Variants in RAB1B observed in about 807,000 individuals in gnomAD.
RAB1B encodes ras-related protein Rab-1B.
In RAB1B, 10 loss-of-function variants were observed where a neutral mutation model predicts 24.8. The observed-to-expected ratio is 0.40, with a 90% CI of 0.25 to 0.68. The LOEUF (loss-of-function observed/expected upper bound fraction) is 0.68, where lower values mean the gene tolerates loss of function less well. RAB1B is among the 30% of genes least tolerant of loss of function. RAB1B has a pLI of 0.37. For synonymous variants in RAB1B, 99 were observed against 111.7 expected (o/e 0.89, Z 0.72); for missense variants, 154 against 271.2 (o/e 0.57, Z 3.04).
chr11:66,273,191 ATGT>A (rs1857089070), intron 4 of RAB1B, among the ~76,000 whole-genome samples: 1 of 152,114 alleles, frequency 6.6e-6, no homozygotes, highest in Non-Finnish European at 1.5e-5. Flanking sequence ...TTTCTACCAA[ATGT>A]TGTTGCTTAA....
In RAB1B at chr11:66,276,363, C is replaced by A. The variant is rs142287299; in HGVS notation, c.*125C>A. 1,352 of 908,968 alleles carry A rather than the reference C, an allele frequency of 1.5e-3. 14 individuals carry two copies. In the African/African-American group the frequency reaches 0.019, roughly 13 times the overall value. 56.3% of individuals were successfully genotyped at this position (908,968 alleles called of 1,614,324 possible). A position where few individuals can be genotyped will look rare whatever the true frequency, so the allele number is the denominator to read the frequency against. ...GTCTGTGGCTTTGGGGTGTCCTGGGCTCCCCATCTCCTTCTGGCCCATCTG... is the reference window on the plus strand; with the variant it reads ...GTCTGTGGCTTTGGGGTGTCCTGGGATCCCCATCTCCTTCTGGCCCATCTG... On this transcript the variant is annotated 3_prime_UTR_variant, in exon 6 of 6. Transcript: ENST00000311481.
rs1857080592 is a variant in RAB1B at position 66,272,700 on chromosome 11, A to G, written c.279+240A>G. On this transcript the variant is annotated intron_variant, in intron 4 of 5. Transcript: ENST00000311481. ...AGGCCCTGCTGCAGGTTCTGGCAGG[A>G]CAAGGCCTCACACCTTCCCTCCCCA... 8.7e-6 allele frequency: 3 copies of G among 346,426 alleles called. No individual in the cohort carries two copies. The South Asian group carries it at 1.5e-4, about 18-fold the overall frequency. The allele number at this position is 346,426 out of a possible 1,614,324, so 21.5% of individuals were successfully genotyped here.
At chr11:66,275,596 T>C (rs1857128391) in intron 4 of RAB1B, among the ~76,000 whole-genome samples, 1 of 151,944 alleles carries the variant, frequency 6.6e-6, no homozygotes, top group Non-Finnish European at 1.5e-5. Flanking sequence ...GCTGGCAGGC[T>C]GCTGGGGCTG....
rs1352498128 is a variant in RAB1B, at chr11:66,268,679, C to G, written c.-1C>G. On this transcript the variant is annotated 5_prime_UTR_variant, in exon 1 of 6. Transcript: ENST00000311481. The stretch of plus-strand genomic sequence containing the variant: ...CGACCGAGCGGGCCGCCGCCGCCGC[C>G]ATGAACCCCGAATAGTGAGTGAGCC... 3 of 1,570,592 alleles carry G rather than the reference C, an allele frequency of 1.9e-6. No homozygotes were observed. Among genetic ancestry groups the G allele is most frequent in the Admixed American group, 1.9e-5 (1 of 52,016 alleles).
chr11:66,276,271 C>A lies in RAB1B; in HGVS notation c.*33C>A. ...ACATGGAGTGGGACAGGAGGGGGCACCTTCTCCAGATGATGTCCCTGGAGG... is the reference window on the plus strand; with the variant it reads ...ACATGGAGTGGGACAGGAGGGGGCAACTTCTCCAGATGATGTCCCTGGAGG... On this transcript the variant is annotated 3_prime_UTR_variant, in exon 6 of 6. Transcript: ENST00000311481. 1 of 1,526,018 alleles carries A rather than the reference C, an allele frequency of 6.6e-7. No individual in the cohort carries two copies. The highest frequency in any genetic ancestry group is 8.8e-7 in the Non-Finnish European group (1 of 1,140,642). The allele number at this position is 1,526,018 out of a possible 1,614,324, so 94.5% of individuals were successfully genotyped here. A position where few individuals can be genotyped will look rare whatever the true frequency, so the allele number is the denominator to read the frequency against.
chr11:66,274,173 G>A (rs1412182399), intron 4 of RAB1B, among the ~76,000 whole-genome samples: 3 of 152,056 alleles, frequency 2.0e-5, no homozygotes, highest in Non-Finnish European at 4.4e-5. Flanking sequence ...ATCCTTGTCA[G>A]CCTGACCAGA....
chr11:66,275,411 C>G (rs931816917), intron 4 of RAB1B, among the ~76,000 whole-genome samples: 1 of 152,226 alleles, frequency 6.6e-6, no homozygotes, highest in African/African-American at 2.4e-5. Context: ...GATTTTCAGG[C>G]CACGGTGGGA....
chr11:66,273,595 A>C (rs1590885621), intron 4 of RAB1B, among the ~76,000 whole-genome samples: 3 of 150,718 alleles, frequency 2.0e-5, no homozygotes, highest in Non-Finnish European at 3.0e-5. Flanking sequence ...TCTCCTCCTT[A>C]CTCTTGTGCA....
intron 4 of RAB1B, 60 bp from the exon 5 acceptor site, chr11:66,275,744 A>G (rs1021921489): frequency 3.3e-6 from 5 of 1,527,474 alleles, no homozygotes; most frequent in Non-Finnish European, 4.4e-6. Flanking sequence ...GGTCTTCTCC[A>G]GGCCTGGGGT....
At chr11:66,272,089 G>C (rs1857069795) in intron 2 of RAB1B, 68 bp from the exon 3 acceptor site, 7 of 1,209,494 alleles carry the variant, frequency 5.8e-6, no homozygotes, top group Admixed American at 5.0e-5. Flanking sequence ...CAGGGAACTG[G>C]AGGGAGGCTC....
chr11:66,270,829 C>T (rs1186462275), intron 1 of RAB1B: 1 of 152,308 alleles, frequency 6.6e-6, no homozygotes, highest in Non-Finnish European at 1.5e-5. Flanking sequence ...CTGGGGATTC[C>T]CTAAATAGCT....
Position 66,271,895 on chromosome 11 carries a change from C to T in RAB1B, c.87+26C>T, listed in dbSNP as rs1274091220. On this transcript the variant is annotated intron_variant, in intron 2 of 5. Transcript: ENST00000311481. ...GTGAGTAAGAAGCCTCCCATACCAT[C>T]CACCTGGGGTCCTGACTGGCAGCTG... is the stretch of plus-strand genomic sequence containing the variant. 3.1e-6 allele frequency: 5 copies of T among 1,588,706 alleles called. No homozygotes were observed. In the South Asian group the frequency reaches 5.5e-5, roughly 18 times the overall value.
intron 4 of RAB1B, 68 bp downstream of exon 4, chr11:66,272,528 C>G (rs904861173): frequency 3.9e-6 from 4 of 1,018,782 alleles, no homozygotes; most frequent in Non-Finnish European, 5.8e-6. Flanking sequence ...TCTTTTTCCT[C>G]CTTCCATCCT....
chr11:66,276,209 G>A lies in RAB1B; in HGVS notation c.577G>A (p.Val193Ile), dbSNP rs1187583062. The A allele has an allele frequency of 1.3e-6, 2 of 1,598,832 alleles. No individual in the cohort carries two copies. The highest frequency in any genetic ancestry group is 2.2e-5 in the East Asian group (1 of 44,740). ...CAATCTCAAGATCGACAGCACCCCT[G>A]TAAAGCCGGCTGGCGGTGGCTGTTG... ...RPNLKIDSTP[V>I]KPAGGGCC The change falls in exon 6 of 6, where the codon GTA (valine) becomes ATA (isoleucine). Residue 193 changes from valine to isoleucine, a missense_variant. Coordinates refer to ENST00000311481, the MANE Select transcript of RAB1B (RefSeq NM_030981.3).
At chr11:66,273,636 C>T (rs1298882118) in intron 4 of RAB1B, among the ~76,000 whole-genome samples, 1 of 152,200 alleles carries the variant, frequency 6.6e-6, no homozygotes, top group Non-Finnish European at 1.5e-5. Context: ...TTTGCTTCTG[C>T]CTTGTGTTCT....
In RAB1B at chr11:66,276,205, C is replaced by A. The variant is rs1235761843; in HGVS notation, c.573C>A (p.Thr191=). ...GERPNLKIDS[T]PVKPAGGGCC ...GGCCCAATCTCAAGATCGACAGCAC[C>A]CCTGTAAAGCCGGCTGGCGGTGGCT... The change falls in exon 6 of 6, where the codon ACC becomes ACA. Residue 191 remains threonine, a synonymous_variant. Transcript: ENST00000311481. The A allele has an allele frequency of 1.3e-6, 2 of 1,599,198 alleles. No individual in the cohort carries two copies. The highest frequency in any genetic ancestry group is 2.7e-5 in the African/African-American group (2 of 73,856).
In RAB1B at chr11:66,271,872, G is replaced by A. The variant is rs1857064451; in HGVS notation, c.87+3G>A. 4 of 1,613,272 alleles carry A rather than the reference G, an allele frequency of 2.5e-6. No individual in the cohort carries two copies. In the South Asian group the frequency reaches 4.4e-5, roughly 18 times the overall value. ...CATGCCTGCTCCTGCGGTTTGCTGT[G>A]AGTAAGAAGCCTCCCATACCATCCA... On this transcript the variant is annotated splice_donor_region_variant and intron_variant, in intron 2 of 5. Transcript: ENST00000311481.
At chr11:66,273,042 A>C (rs889847881) in intron 4 of RAB1B, among the ~76,000 whole-genome samples, 3 of 152,240 alleles carry the variant, frequency 2.0e-5, no homozygotes, top group Middle Eastern at 3.2e-3. Flanking sequence ...ATTGCCTCTG[A>C]TGCTCAGAAG....
intron 1 of RAB1B, 65 bp downstream of exon 1, chr11:66,268,758 C>T: frequency 2.7e-6 from 4 of 1,490,806 alleles, no homozygotes; most frequent in Non-Finnish European, 2.7e-6. Context: ...TGTACGCTTA[C>T]CGGGGTTGTC....
Sources: allele counts gnomAD v4.1 joint callset (sites outside exome capture counted in the v4.1 genomes callset), GRCh38; gene constraint gnomAD v4.1.1; transcripts MANE v1.5; gene names NCBI Gene and HGNC (gene_info 2026-07-23, HGNC 2026-07-21).